COMMD10: variants seen among roughly 807,000 people sequenced by gnomAD.
COMMD10 encodes COMM domain-containing protein 10.
A neutral mutation model predicts 28.9 loss-of-function variants in COMMD10; 33 were observed. The observed-to-expected ratio is 1.14, with a 90% CI of 0.87 to 1.53. COMMD10 has a LOEUF of 1.53. Among genes scored for constraint, COMMD10 ranks in the 40% most tolerant of loss-of-function variants. The pLI is 0.00. For missense variants in COMMD10, 310 were observed against 233.4 expected (o/e 1.33, Z -2.14); for synonymous variants, 110 against 81.7 (o/e 1.35, Z -1.87).
At chr5:116,204,928 T>C (rs1301202719) in intron 5 of COMMD10, among the ~76,000 whole-genome samples, 1 of 152,146 alleles carries the variant, frequency 6.6e-6, no homozygotes, top group Non-Finnish European at 1.5e-5. Context: ...GGATATAGTC[T>C]GATCACTCTC....
At chr5:116,144,052 A>C (rs1431316040) in intron 5 of COMMD10, among the ~76,000 whole-genome samples, 1 of 151,826 alleles carries the variant, frequency 6.6e-6, no homozygotes, top group African/African-American at 2.4e-5. Context: ...GAGCATTTCA[A>C]ATATGGAGGT....
At chr5:116,268,375 C>G (rs1025731712) in intron 5 of COMMD10, among the ~76,000 whole-genome samples, 25 of 151,882 alleles carry the variant, frequency 1.6e-4, no homozygotes, top group Non-Finnish European at 3.1e-4. Flanking sequence ...GGCCATCAGA[C>G]AAATGCAAAT....
chr5:116,188,639 C>CCTTTT (rs1748231193), intron 5 of COMMD10: 1 of 133,812 alleles, frequency 7.5e-6, no homozygotes, highest in African/African-American at 2.9e-5. Context: ...CTCTCTCTCT[C>CCTTTT]TTTTTTTTTT....
At chr5:116,233,107 T>C (rs1344173471) in intron 5 of COMMD10, among the ~76,000 whole-genome samples, 1 of 152,164 alleles carries the variant, frequency 6.6e-6, no homozygotes, top group Non-Finnish European at 1.5e-5. Flanking sequence ...TTTATGGTTA[T>C]AATATTCCCC....
At chr5:116,126,745 C>G (rs1751659701) in intron 4 of COMMD10, among the ~76,000 whole-genome samples, 1 of 152,096 alleles carries the variant, frequency 6.6e-6, no homozygotes, top group Non-Finnish European at 1.5e-5. Flanking sequence ...AAACTGGATC[C>G]CTTCCTTACA....
In COMMD10 at chr5:116,174,142, G is replaced by A. The variant is rs1022801986; in HGVS notation, c.510+39964G>A. Among the ~76,000 whole-genome samples the A allele has an allele frequency of 4.4e-5, 6 of 136,140 alleles. No individual in the cohort carries two copies. In the East Asian group the frequency reaches 8.0e-4, roughly 18 times the overall value. 89.3% of individuals were successfully genotyped at this position (136,140 alleles called of 152,430 possible). On this transcript the variant is annotated intron_variant, in intron 5 of 6. Transcript: ENST00000274458. ...GCAATAACGGTACTATTTTAGGGAA[G>A]GCTTTTCTTCCTGATAATACCTAAC... is the stretch of plus-strand genomic sequence containing the variant.
chr5:116,151,234 T>G (rs2112552313), intron 5 of COMMD10, among the ~76,000 whole-genome samples: 1 of 151,810 alleles, frequency 6.6e-6, no homozygotes, highest in Non-Finnish European at 1.5e-5. Flanking sequence ...GGATAAGCTT[T>G]TTGATGTGCT....
At position 116,292,822 on chromosome 5, in the gene COMMD10, A is replaced by G; in HGVS notation, c.*333A>G. Reference sequence around the variant, plus strand: ...GTTTTTACTTGCTGGATGATACCATAATGTATCAAGGAGCGTCCATGGATA... The same window carrying G: ...GTTTTTACTTGCTGGATGATACCATGATGTATCAAGGAGCGTCCATGGATA... On this transcript the variant is annotated 3_prime_UTR_variant, in exon 7 of 7. Transcript: ENST00000274458. The G allele has an allele frequency of 2.5e-6, 1 of 397,832 alleles. No individual in the cohort carries two copies. The highest frequency in any genetic ancestry group is 4.4e-6 in the Non-Finnish European group (1 of 225,854). 24.6% of individuals were successfully genotyped at this position (397,832 alleles called of 1,614,324 possible).
intron 5 of COMMD10, among the ~76,000 whole-genome samples, chr5:116,154,590 T>C (rs1210875473): frequency 6.6e-6 from 1 of 152,146 alleles, no homozygotes. Flanking sequence ...ATATAAAAAT[T>C]CTTTCAGATA....
At chr5:116,153,801 G>A (rs1508870) in intron 5 of COMMD10, among the ~76,000 whole-genome samples, 44,702 of 151,888 alleles carry the variant, frequency 0.29, 8,646 homozygotes, top group African/African-American at 0.56. Flanking sequence ...TGATAGCCAT[G>A]AAACCCTCCT....
chr5:116,258,253 G>T (rs1272913292), intron 5 of COMMD10, among the ~76,000 whole-genome samples: 2 of 151,604 alleles, frequency 1.3e-5, no homozygotes, highest in Non-Finnish European at 2.9e-5. Flanking sequence ...GAATTTTGTA[G>T]TATATCTATT....
At chr5:116,244,497 TG>T (rs1189143880) in intron 5 of COMMD10, among the ~76,000 whole-genome samples, 1 of 151,758 alleles carries the variant, frequency 6.6e-6, no homozygotes, top group Non-Finnish European at 1.5e-5. Flanking sequence ...TAAAATACAA[TG>T]ATATATGTCA....
At chr5:116,281,492 A>G (rs769452787) in intron 5 of COMMD10, among the ~76,000 whole-genome samples, 2 of 151,776 alleles carry the variant, frequency 1.3e-5, no homozygotes, top group East Asian at 1.9e-4. Flanking sequence ...TTCACTTTGC[A>G]TTGTTTTTAG....
intron 4 of COMMD10, among the ~76,000 whole-genome samples, chr5:116,102,275 G>A (rs1386211889): frequency 6.6e-6 from 1 of 151,882 alleles, no homozygotes; most frequent in African/African-American, 2.4e-5. Flanking sequence ...TCTGCTTTTG[G>A]CAATGCAGTT....
intron 5 of COMMD10, among the ~76,000 whole-genome samples, chr5:116,226,805 A>G (rs1009345301): frequency 5.3e-5 from 8 of 152,172 alleles, no homozygotes; most frequent in African/African-American, 1.9e-4. Context: ...AGGACAAAAC[A>G]TAAATGTGGA....
At chr5:116,233,070 C>T (rs866590616) in intron 5 of COMMD10, among the ~76,000 whole-genome samples, 12 of 152,114 alleles carry the variant, frequency 7.9e-5, no homozygotes, top group South Asian at 2.1e-4. Flanking sequence ...TGAACGCTTA[C>T]GATTGGGCCA....
intron 5 of COMMD10, among the ~76,000 whole-genome samples, chr5:116,208,765 A>G (rs1291790848): frequency 6.6e-6 from 1 of 152,132 alleles, no homozygotes; most frequent in Non-Finnish European, 1.5e-5. Context: ...GGAAGTCTGA[A>G]CGGTTCCCTG....
At chr5:116,169,038 A>G (rs1016144378) in intron 5 of COMMD10, among the ~76,000 whole-genome samples, 2 of 149,624 alleles carry the variant, frequency 1.3e-5, no homozygotes, top group African/African-American at 4.9e-5. Context: ...AAATTCATTC[A>G]AAAAAAAATC....
intron 4 of COMMD10, among the ~76,000 whole-genome samples, chr5:116,095,031 G>A (rs1750422291): frequency 6.6e-6 from 1 of 152,124 alleles, no homozygotes; most frequent in African/African-American, 2.4e-5. Context: ...TGGGATGTGG[G>A]GTCGGAGGGT....
Sources: allele counts gnomAD v4.1 joint callset (sites outside exome capture counted in the v4.1 genomes callset), GRCh38; gene constraint gnomAD v4.1.1; transcripts MANE v1.5; gene names NCBI Gene and HGNC (gene_info 2026-07-23, HGNC 2026-07-21).